ADAM10: variants seen among roughly 807,000 people sequenced by gnomAD.
The protein encoded by ADAM10 is ADAM metallopeptidase domain 10.
A neutral mutation model predicts 90.1 loss-of-function variants in ADAM10; 17 were observed. The ratio of observed to expected loss-of-function variants is 0.19; its 90% CI spans 0.13 to 0.28. ADAM10 has a LOEUF of 0.28. Ranked by LOEUF, ADAM10 falls within the 10% of genes least tolerant of loss-of-function variation. ADAM10 has a pLI of 1.00. For missense variants in ADAM10, 610 were observed against 914.3 expected, an observed-to-expected ratio of 0.67 and a Z score of 4.29; for synonymous variants, 310 against 298.6, an observed-to-expected ratio of 1.04 and a Z score of -0.40.
At chr15:58,743,876 G>A (rs555183210) in intron 1 of ADAM10, among the ~76,000 whole-genome samples, 6 of 152,304 alleles carry the variant, frequency 3.9e-5, no homozygotes, top group East Asian at 3.9e-4. Flanking sequence ...CCAAAGTGCC[G>A]GGATTACAGG....
At chr15:58,724,704 A>G (rs1898971338) in intron 1 of ADAM10, among the ~76,000 whole-genome samples, 1 of 152,226 alleles carries the variant, frequency 6.6e-6, no homozygotes, top group Non-Finnish European at 1.5e-5. Flanking sequence ...CTGACTACTG[A>G]TCTAAGCATG....
At chr15:58,706,191 C>A (rs1379866967) in intron 2 of ADAM10, among the ~76,000 whole-genome samples, 1 of 152,046 alleles carries the variant, frequency 6.6e-6, no homozygotes, top group African/African-American at 2.4e-5. Flanking sequence ...GACATAAAGC[C>A]CCAACTAATG....
chr15:58,613,443 T>G (rs1340652928), intron 11 of ADAM10, among the ~76,000 whole-genome samples: 1 of 151,852 alleles, frequency 6.6e-6, no homozygotes, highest in Non-Finnish European at 1.5e-5. Flanking sequence ...TAATTAACTC[T>G]CTAGCAACAG....
At chr15:58,737,989 G>A (rs972418842) in intron 1 of ADAM10, among the ~76,000 whole-genome samples, 8 of 152,062 alleles carry the variant, frequency 5.3e-5, no homozygotes, top group Non-Finnish European at 1.2e-4. Context: ...GAATGGGAGA[G>A]GAAAATCTGC....
chr15:58,727,636 A>G (rs1899086017), intron 1 of ADAM10, among the ~76,000 whole-genome samples: 1 of 152,164 alleles, frequency 6.6e-6, no homozygotes. Context: ...CAGCCTTGTT[A>G]TTTTTTAAAA....
At chr15:58,599,318 T>TTAA (rs527760674) in intron 15 of ADAM10, among the ~76,000 whole-genome samples, 29 of 141,756 alleles carry the variant, frequency 2.0e-4, no homozygotes, top group African/African-American at 6.4e-4. Flanking sequence ...AGAATATATT[T>TTAA]AAAAAAAAAA....
chr15:58,640,729 C>T, intron 8 of ADAM10, 48 bp downstream of exon 8: 1 of 1,559,258 alleles, frequency 6.4e-7, no homozygotes, highest in South Asian at 1.1e-5. Flanking sequence ...TGAAAACTCC[C>T]CTTTGTTTCA....
chr15:58,616,715 C>A (rs746549466), intron 11 of ADAM10, among the ~76,000 whole-genome samples: 1 of 151,948 alleles, frequency 6.6e-6, no homozygotes, highest in Non-Finnish European at 1.5e-5. Context: ...TGCACCTCAA[C>A]GAATCAGGAA....
intron 2 of ADAM10, among the ~76,000 whole-genome samples, chr15:58,701,402 T>C (rs1898132205): frequency 6.6e-6 from 1 of 152,170 alleles, no homozygotes; most frequent in Non-Finnish European, 1.5e-5. Flanking sequence ...CAACATTACT[T>C]ACCATCAGGG....
Position 58,597,418 on chromosome 15 carries a change from T to C in ADAM10, c.*129A>G, listed in dbSNP as rs199528143. On this transcript the variant is annotated 3_prime_UTR_variant, in exon 16 of 16. Transcript: ENST00000260408. ...AATTCCACCTGGTCTGAGGATATGA[T>C]CTCTTGCCATTTTTTCTTCAACTGT... 46 of 1,560,600 alleles carry C rather than the reference T, an allele frequency of 2.9e-5. No homozygotes were observed. The African/African-American group carries it at 4.5e-4, about 15-fold the overall frequency.
At chr15:58,742,166 A>C (rs1899635373) in intron 1 of ADAM10, among the ~76,000 whole-genome samples, 1 of 152,206 alleles carries the variant, frequency 6.6e-6, no homozygotes, top group South Asian at 2.1e-4. Context: ...AGTCATAGAC[A>C]CATAATAAAT....
intron 1 of ADAM10, among the ~76,000 whole-genome samples, chr15:58,720,533 T>A (rs1898818398): frequency 6.6e-6 from 1 of 151,938 alleles, no homozygotes; most frequent in Admixed American, 6.6e-5. Flanking sequence ...CCCGAGTAAC[T>A]GGAGACTACA....
At chr15:58,600,115 CCT>C (rs1269130669) in intron 14 of ADAM10, among the ~76,000 whole-genome samples, 5 of 134,636 alleles carry the variant, frequency 3.7e-5, no homozygotes, top group Admixed American at 3.5e-4. Context: ...TGTTTTTTCC[CCT>C]TACTCTTTTT....
chr15:58,739,668 C>T (rs995581719), intron 1 of ADAM10, among the ~76,000 whole-genome samples: 3 of 152,166 alleles, frequency 2.0e-5, no homozygotes, highest in South Asian at 2.1e-4. Context: ...CTGTCCTCTC[C>T]GTTATGCTAG....
At chr15:58,642,651 C>G (rs1896447918) in intron 7 of ADAM10, among the ~76,000 whole-genome samples, 1 of 152,128 alleles carries the variant, frequency 6.6e-6, no homozygotes, top group South Asian at 2.1e-4. Flanking sequence ...TATATACATG[C>G]ATTTCTTCAT....
intron 2 of ADAM10, among the ~76,000 whole-genome samples, chr15:58,694,492 G>A (rs1897919668): frequency 2.0e-5 from 3 of 152,020 alleles, no homozygotes; most frequent in Admixed American, 2.0e-4. Flanking sequence ...GAGTTGGCTA[G>A]TGCCTGTAAT....
chr15:58,627,717 C>T lies in ADAM10; in HGVS notation c.1343G>A (p.Arg448Lys), dbSNP rs1566972353. Residue 448 changes from arginine to lysine, a missense_variant, in exon 10 of 16, where the codon AGA becomes AAA. Physicochemically the swap from Arg to Lys is conservative, Grantham distance 26. This residue lies in a region of ADAM10 where 97 missense variants were observed against 221.4 expected (regional missense o/e 0.44). Transcript: ENST00000260408. ...ATACATACCAACAAAACAGTTGTTT[C>T]TCTTCTTCTCAAGAACTTGGCTTAT... ...RNISQVLEKK[R>K]NNCFVESGQP... is the part of the protein sequence containing the mutation. 1.9e-6 allele frequency: 3 copies of T among 1,612,878 alleles called. No homozygotes were observed. Among genetic ancestry groups the T allele is most frequent in the Non-Finnish European group, 2.5e-6 (3 of 1,179,158 alleles).
In ADAM10 at chr15:58,593,251, C is replaced by A. The variant is rs1202664769; in HGVS notation, c.*4296G>T. On this transcript the variant is annotated 3_prime_UTR_variant, in exon 16 of 16. Transcript: ENST00000260408. ...CTGGAGTGCAATGGCGCAATCGCGG[C>A]TCACTGCAGCCTCTGCCTCCTGGGT... The A allele has an allele frequency of 2.2e-5, 3 of 139,106 alleles. No homozygotes were observed. The allele number at this position is 139,106 out of a possible 1,614,324, so 8.6% of individuals were successfully genotyped here.
chr15:58,593,149 A>ATTTT lies in ADAM10; in HGVS notation c.*4394_*4397dup, dbSNP rs766149223. On this transcript the variant is annotated 3_prime_UTR_variant, in exon 16 of 16. Coordinates refer to ENST00000260408, the MANE Select transcript of ADAM10 (RefSeq NM_001110.4). ...AAAGTAACAAAGGCCAGGTACTCAA[A>ATTTT]TTTTTTTTTTTTTTTTTTTTTTTTT... 9.8e-4 allele frequency: 67 copies of ATTTT among 68,458 alleles called. 4 individuals carry two copies. Among genetic ancestry groups the ATTTT allele is most frequent in the Non-Finnish European group, 1.3e-3 (48 of 36,230 alleles). The allele number at this position is 68,458 out of a possible 1,614,324, so 4.2% of individuals were successfully genotyped here. A position where few individuals can be genotyped will look rare whatever the true frequency, so the allele number is the denominator to read the frequency against.
Sources: gnomAD v4.1 joint callset for allele counts (sites outside exome capture counted in the v4.1 genomes callset) on GRCh38, gnomAD v4.1.1 for gene constraint, gnomAD v4.1.1 regional missense constraint, MANE v1.5 for transcripts, NCBI Gene and HGNC (gene_info 2026-07-23, HGNC 2026-07-21) for gene names.